The following TSPAN16 variants were observed in gnomAD, a reference collection of about 807,000 sequenced individuals.
TSPAN16 encodes tetraspanin-16.
A neutral mutation model predicts 25.2 loss-of-function variants in TSPAN16; 23 were observed. The observed-to-expected ratio is 0.91, with a 90% CI of 0.66 to 1.29. The LOEUF is 1.29. TSPAN16 is among the 50% of genes most tolerant of loss of function. The pLI, the probability that TSPAN16 is intolerant of heterozygous loss-of-function variation, is 0.00. For missense variants in TSPAN16, 272 were observed against 299.9 expected, an observed-to-expected ratio of 0.91 and a Z score of 0.69; for synonymous variants, 123 against 124.4, an observed-to-expected ratio of 0.99 and a Z score of 0.08.
intron 4 of TSPAN16, among the ~76,000 whole-genome samples, chr19:11,302,630 TATACAC>T (rs1325391588): frequency 2.8e-5 from 4 of 142,566 alleles, no homozygotes; most frequent in African/African-American, 1.1e-4. Context: ...TAAATATATA[TATACAC>T]ACATACATAT....
intron 4 of TSPAN16, among the ~76,000 whole-genome samples, chr19:11,306,084 G>A (rs774408781): frequency 5.3e-5 from 8 of 152,086 alleles, no homozygotes; most frequent in Admixed American, 2.6e-4. Context: ...CCTGGCCAAC[G>A]TGGCATAAAC....
At chr19:11,323,022 G>C (rs1169246651) in intron 6 of TSPAN16, 1 of 151,794 alleles carries the variant, frequency 6.6e-6, no homozygotes, top group Non-Finnish European at 1.5e-5. Context: ...TGAGACAGGA[G>C]AATCGCTTGA....
Position 11,312,049 on chromosome 19 carries a change from C to A in TSPAN16, c.604-90C>A, listed in dbSNP as rs899782002. 6.5e-6 allele frequency: 6 copies of A among 921,560 alleles called. No homozygotes were observed. The African/African-American group carries it at 9.8e-5, about 15-fold the overall frequency. The allele number at this position is 921,560 out of a possible 1,614,324, so 57.1% of individuals were successfully genotyped here. A position where few individuals can be genotyped will look rare whatever the true frequency, so the allele number is the denominator to read the frequency against. On this transcript the variant is annotated intron_variant, in intron 5 of 6. Transcript: ENST00000590327. ...TCTCCTCAAAGAATCTGAGAGTCGT[C>A]TGAGTGGCCTAATGAGTTGGGGTTG...
At chr19:11,320,282 C>T (rs2080770665), downstream of TSPAN16, among the ~76,000 whole-genome samples, 1 of 152,072 alleles carries the variant, frequency 6.6e-6, no homozygotes, top group South Asian at 2.1e-4. Flanking sequence ...CCACCAGGCC[C>T]AGCTATTTGT....
intron 6 of TSPAN16, chr19:11,325,326 A>G: frequency 1.0e-6 from 1 of 985,850 alleles, no homozygotes; most frequent in Non-Finnish European, 1.5e-6. Flanking sequence ...GGAGATAACC[A>G]CTGTGGCTCA....
intron 3 of TSPAN16, among the ~76,000 whole-genome samples, chr19:11,300,331 C>T (rs755131495): frequency 6.6e-6 from 1 of 152,158 alleles, no homozygotes; most frequent in Non-Finnish European, 1.5e-5. Flanking sequence ...GAACATGCAC[C>T]TAGGTTATTC....
At chr19:11,302,669 A>ATTT (rs1555703606) in intron 4 of TSPAN16, among the ~76,000 whole-genome samples, 54 of 127,100 alleles carry the variant, frequency 4.2e-4, no homozygotes, top group African/African-American at 2.1e-3. Flanking sequence ...ACATATATAT[A>ATTT]TATATATATA....
chr19:11,315,188 A>G (rs529488034), intron 6 of TSPAN16, among the ~76,000 whole-genome samples: 3 of 149,320 alleles, frequency 2.0e-5, no homozygotes, highest in East Asian at 2.0e-4. Flanking sequence ...ATGAGCCAAG[A>G]TAGTGCCACA....
intron 3 of TSPAN16, among the ~76,000 whole-genome samples, chr19:11,299,792 T>C (rs2080522542): frequency 6.6e-6 from 1 of 151,868 alleles, no homozygotes; most frequent in South Asian, 2.1e-4. Context: ...CTGGCCAACA[T>C]GGTAAAACCC....
downstream of TSPAN16, among the ~76,000 whole-genome samples, chr19:11,318,867 G>C (rs1266003157): frequency 6.6e-6 from 1 of 151,740 alleles, no homozygotes; most frequent in Non-Finnish European, 1.5e-5. Flanking sequence ...GGCTGGTCTG[G>C]AACTCCTGAC....
In TSPAN16 at chr19:11,296,320, A is replaced by G. The variant is rs773016542; in HGVS notation, c.23A>G (p.Tyr8Cys). Reference protein sequence around the residue: MAEIHTPYSSLKKLLSLL... With the variant: MAEIHTPCSSLKKLLSLL... The stretch of plus-strand genomic sequence containing the variant: ...AGCATGGCTGAAATCCACACTCCGT[A>G]TTCTTCCTTGAAGAAACTGTTATCT... Residue 8 changes from tyrosine to cysteine, a missense_variant, in exon 1 of 7, where the codon TAT (tyrosine) becomes TGT (cysteine). Coordinates refer to ENST00000590327, the MANE Select transcript of TSPAN16 (RefSeq NM_001282509.2). The G allele has an allele frequency of 1.9e-6, 3 of 1,614,188 alleles. No homozygotes were observed. Among genetic ancestry groups the G allele is most frequent in the Non-Finnish European group, 2.5e-6 (3 of 1,180,022 alleles).
intron 4 of TSPAN16, among the ~76,000 whole-genome samples, chr19:11,302,761 C>G (rs2080576989): frequency 1.3e-5 from 2 of 150,444 alleles, no homozygotes; most frequent in African/African-American, 4.9e-5. Flanking sequence ...CTCTGTTGCC[C>G]AGGCTGGAGT....
At chr19:11,301,973 A>G (rs1320764905) in intron 4 of TSPAN16, among the ~76,000 whole-genome samples, 1 of 57,846 alleles carries the variant, frequency 1.7e-5, no homozygotes, top group Non-Finnish European at 3.1e-5. Flanking sequence ...AGAGGCGCCC[A>G]CCACCACACC....
At chr19:11,312,076 TG>T in intron 5 of TSPAN16, 62 bp from the exon 6 acceptor site, 1 of 1,315,682 alleles carries the variant, frequency 7.6e-7, no homozygotes, top group Non-Finnish European at 1.1e-6. Context: ...TTGGGGTTGA[TG>T]GGGACTTGCA....
intron 6 of TSPAN16, 110 bp from the exon 7 acceptor site, chr19:11,315,681 C>A (rs990614676): frequency 3.5e-6 from 3 of 860,580 alleles, no homozygotes; most frequent in Non-Finnish European, 1.5e-6. Context: ...TAAAACCCTG[C>A]CCCTCGCCTT....
chr19:11,321,043 C>T (rs112735651), intron 6 of TSPAN16, among the ~76,000 whole-genome samples: 4,679 of 152,002 alleles, frequency 0.031, 238 homozygotes, highest in African/African-American at 0.11. Context: ...GTGGAGTGTG[C>T]CTGTAATCCC....
At chr19:11,308,550 A>C (rs2080655267) in intron 5 of TSPAN16, among the ~76,000 whole-genome samples, 2 of 150,794 alleles carry the variant, frequency 1.3e-5, no homozygotes, top group Admixed American at 1.3e-4. Context: ...GGCTTACTGC[A>C]AGCTCTGCCT....
rs453766 is a variant in TSPAN16 at position 11,296,163 on chromosome 19, C to G, written c.-135C>G. ...TGGGCCGCCTTGGACAACCATCAGG[C>G]AGCCAGGACACAGAGGGGCAGAGCA... On this transcript the variant is annotated 5_prime_UTR_variant, in exon 1 of 7. Coordinates refer to ENST00000590327, the MANE Select transcript of TSPAN16 (RefSeq NM_001282509.2). 0.27 allele frequency: 232,579 copies of G among 860,196 alleles called. 31,960 individuals carry two copies. The highest frequency in any genetic ancestry group is 0.31 in the Admixed American group (12,201 of 39,296). 53.3% of individuals were successfully genotyped at this position (860,196 alleles called of 1,614,324 possible).
At chr19:11,316,948 T>C (rs1181768579), downstream of TSPAN16, among the ~76,000 whole-genome samples, 1 of 151,688 alleles carries the variant, frequency 6.6e-6, no homozygotes, top group East Asian at 1.9e-4. Context: ...GTAGCTGGGA[T>C]TACAGGCGCC....
Sources: gnomAD v4.1 joint callset for allele counts (sites outside exome capture counted in the v4.1 genomes callset) on GRCh38, gnomAD v4.1.1 for gene constraint, MANE v1.5 for transcripts, NCBI Gene and HGNC (gene_info 2026-07-23, HGNC 2026-07-21) for gene names.